Variants in RCN2 observed in about 807,000 individuals in gnomAD.
RCN2 encodes the protein reticulocalbin-2.
In RCN2, 23 loss-of-function variants were observed where a neutral mutation model predicts 37.5. That is an observed-to-expected ratio of 0.61 (90% CI 0.44 to 0.87). The LOEUF is 0.87. Among genes scored for constraint, RCN2 ranks in the 40% least tolerant of loss-of-function variants. The probability of loss-of-function intolerance (pLI) is 0.00; values close to 1 mark genes in which losing one functional copy is unlikely to be tolerated. For missense variants in RCN2, 381 were observed against 390.4 expected (o/e 0.98, Z 0.20); for synonymous variants, 140 against 144.6 (o/e 0.97, Z 0.23).
In RCN2 at chr15:76,935,621, A is replaced by G. The variant is rs1310120489; in HGVS notation, c.346A>G (p.Thr116Ala). 6.2e-7 allele frequency: 1 copy of G among 1,613,438 alleles called. No homozygotes were observed. The highest frequency in any genetic ancestry group is 1.1e-5 in the South Asian group (1 of 91,066). ...TGAATATGATAAAAACAGTGATGAT[A>G]CTGTGACTTGGGATGAATATAACAT... ...FVEYDKNSDDTVTWDEYNIQM... is the reference protein window; with the variant it reads ...FVEYDKNSDDAVTWDEYNIQM... The change falls in exon 3 of 7, where the codon ACT becomes GCT. Residue 116 changes from threonine (T) to alanine (A), a missense_variant. Thr to Ala is a moderately conservative substitution (Grantham distance 58, BLOSUM62 0). Transcript: ENST00000394885.
chr15:76,932,878 T>A (rs571440034), intron 2 of RCN2, among the ~76,000 whole-genome samples: 2 of 152,336 alleles, frequency 1.3e-5, no homozygotes, highest in East Asian at 3.9e-4. Context: ...GAAAAAGACC[T>A]GTTGCCTGTG....
In RCN2 at chr15:76,941,328, A is replaced by T. The variant is rs148748603; in HGVS notation, c.448-2430A>T. The T allele has an allele frequency of 2.4e-3, 445 of 187,252 alleles. 3 individuals carry two copies. The highest frequency in any genetic ancestry group is 9.7e-3 in the African/African-American group (418 of 42,952). 11.6% of individuals were successfully genotyped at this position (187,252 alleles called of 1,614,324 possible). On this transcript the variant is annotated intron_variant, in intron 3 of 6. Coordinates refer to ENST00000394885, the MANE Select transcript of RCN2 (RefSeq NM_002902.3). ...AGGCGTGACTGCTGAATGTGCATGT[A>T]TAAGCAGTATTTATTTATGTAAGAT...
At chr15:76,943,953 G>T in intron 4 of RCN2, 82 bp downstream of exon 4, 8 of 495,014 alleles carry the variant, frequency 1.6e-5, no homozygotes, top group Admixed American at 6.2e-5. Context: ...TGGGTACATA[G>T]TAGGTATATA....
chr15:76,939,042 A>G (rs1475931009), intron 3 of RCN2, among the ~76,000 whole-genome samples: 1 of 152,040 alleles, frequency 6.6e-6, no homozygotes, highest in Non-Finnish European at 1.5e-5. Flanking sequence ...TAACTAATCT[A>G]AAGCTGTCTA....
rs67783519 is a variant in RCN2 at position 76,950,386 on chromosome 15, C to CTTTTT, written c.*1180_*1184dup. On this transcript the variant is annotated 3_prime_UTR_variant, in exon 7 of 7. Coordinates refer to ENST00000394885, the MANE Select transcript of RCN2 (RefSeq NM_002902.3). ...TGATGTACAGAGATTGTTTTTCATTCTTTTTTTTTTTTTTTTTTTTGTGAC... is the reference window on the plus strand; with the variant it reads ...TGATGTACAGAGATTGTTTTTCATTCTTTTTTTTTTTTTTTTTTTTTTTTTGTGAC... The CTTTTT allele has an allele frequency of 4.4e-4, 46 of 105,456 alleles. No individual in the cohort carries two copies. Among genetic ancestry groups the CTTTTT allele is most frequent in the Non-Finnish European group, 6.2e-4 (33 of 53,648 alleles). The allele number at this position is 105,456 out of a possible 1,614,324, so 6.5% of individuals were successfully genotyped here. A position where few individuals can be genotyped will look rare whatever the true frequency, so the allele number is the denominator to read the frequency against.
chr15:76,939,777 T>C (rs2075269706), intron 3 of RCN2, among the ~76,000 whole-genome samples: 2 of 152,208 alleles, frequency 1.3e-5, no homozygotes, highest in African/African-American at 2.4e-5. Context: ...ATTCTAATTA[T>C]GTTTTCTATT....
rs1205068170 is a variant in RCN2, at chr15:76,943,768, A to G, written c.458A>G (p.Lys153Arg). Residue 153 changes from lysine to arginine, a missense_variant, in exon 4 of 7, where the codon AAG becomes AGG. Physicochemically the swap from Lys to Arg is conservative, Grantham distance 26. Transcript: ENST00000394885. ...TTTTAATTTTCAAAGCTTCACTTAA[A>G]GGACAAGAAGCGATTTGAAAAAGCT... ...EEESFRKLHL[K>R]DKKRFEKANQ... 2.5e-6 allele frequency: 4 copies of G among 1,590,698 alleles called. No individual in the cohort carries two copies. The highest frequency in any genetic ancestry group is 3.4e-6 in the Non-Finnish European group (4 of 1,162,874).
In RCN2 at chr15:76,941,930, C is replaced by A. The variant is rs952278457; in HGVS notation, c.448-1828C>A. ...TTGGTATTTTGAATAATGGTTTATT[C>A]AAAAAGAACTTGATTGACTCAGCAA... is the stretch of plus-strand genomic sequence containing the variant. On this transcript the variant is annotated intron_variant, in intron 3 of 6. Coordinates refer to ENST00000394885, the MANE Select transcript of RCN2 (RefSeq NM_002902.3). 4.5e-5 allele frequency: 15 copies of A among 330,140 alleles called. No homozygotes were observed. The Admixed American group carries it at 5.2e-4, about 11-fold the overall frequency. 20.5% of individuals were successfully genotyped at this position (330,140 alleles called of 1,614,324 possible).
chr15:76,932,214 G>C, intron 1 of RCN2, 147 bp from the exon 2 acceptor site: 1 of 737,000 alleles, frequency 1.4e-6, no homozygotes, highest in South Asian at 1.7e-5. Flanking sequence ...CATGGAGGGT[G>C]TGTAGGGGGT....
rs1324980147 is a variant in RCN2 at position 76,949,354 on chromosome 15, A to G, written c.*132A>G. 6.1e-6 allele frequency: 4 copies of G among 652,412 alleles called. No individual in the cohort carries two copies. Among genetic ancestry groups the G allele is most frequent in the Non-Finnish European group, 9.1e-6 (4 of 439,462 alleles). The allele number at this position is 652,412 out of a possible 1,614,324, so 40.4% of individuals were successfully genotyped here. Reference sequence around the variant, plus strand: ...CACAGTCAGAATTATCTTAATGTAGATTATAATTTTGGTCTTTTAGGAAAA... The same window carrying G: ...CACAGTCAGAATTATCTTAATGTAGGTTATAATTTTGGTCTTTTAGGAAAA... On this transcript the variant is annotated 3_prime_UTR_variant, in exon 7 of 7. Coordinates refer to ENST00000394885, the MANE Select transcript of RCN2 (RefSeq NM_002902.3).
chr15:76,948,604 T>A, intron 6 of RCN2, 52 bp downstream of exon 6: 1 of 1,458,580 alleles, frequency 6.9e-7, no homozygotes, highest in African/African-American at 1.4e-5. Context: ...CCGAATTTGG[T>A]GCTGTTGATA....
rs2075308983 is a variant in RCN2, at chr15:76,949,204, C to G, written c.936C>G (p.Phe312Leu). The change falls in exon 7 of 7, where the codon TTC (phenylalanine) becomes TTG (leucine). Residue 312 changes from phenylalanine (F) to leucine (L), a missense_variant. By Grantham distance (22) the Phe-to-Leu change is conservative (BLOSUM62 0). Transcript: ENST00000394885. The stretch of plus-strand genomic sequence containing the variant: ...GCAGACAGCTCCATGATGACTATTT[C>G]TATCATGATGAGCTTTAATCTCTGA... ...DYGRQLHDDY[F>L]YHDEL 4 of 1,609,836 alleles carry G rather than the reference C, an allele frequency of 2.5e-6. No individual in the cohort carries two copies. The East Asian group carries it at 8.9e-5, about 36-fold the overall frequency.
chr15:76,945,850 C>T (rs2075294637), intron 4 of RCN2, among the ~76,000 whole-genome samples: 1 of 152,202 alleles, frequency 6.6e-6, no homozygotes. Context: ...TCTAATTTCT[C>T]ATTGGCACAG....
At chr15:76,938,688 T>G (rs977758453) in intron 3 of RCN2, 20 of 453,132 alleles carry the variant, frequency 4.4e-5, no homozygotes, top group Non-Finnish European at 8.5e-5. Flanking sequence ...AAGCCACCAC[T>G]AACTCTAAGT....
chr15:76,944,522 C>G (rs1435599429), intron 4 of RCN2, among the ~76,000 whole-genome samples: 1 of 152,082 alleles, frequency 6.6e-6, no homozygotes, highest in Non-Finnish European at 1.5e-5. Flanking sequence ...GCCCCCTCCC[C>G]CAACACTTCC....
rs759155872 is a variant in RCN2, at chr15:76,951,286, T to A, written c.*2064T>A. ...CTGACCAGTTAAACATGGGTGGAAG[T>A]AGTGTGTGTCACTATCAGACTATCT... On this transcript the variant is annotated 3_prime_UTR_variant, in exon 7 of 7. Coordinates refer to ENST00000394885, the MANE Select transcript of RCN2 (RefSeq NM_002902.3). 5.3e-4 allele frequency: 80 copies of A among 152,364 alleles called. No homozygotes were observed. Among genetic ancestry groups the A allele is most frequent in the African/African-American group, 1.9e-3 (79 of 41,580 alleles). 9.4% of individuals were successfully genotyped at this position (152,364 alleles called of 1,614,324 possible).
At chr15:76,938,756 C>T (rs1256118690) in intron 3 of RCN2, 1 of 455,994 alleles carries the variant, frequency 2.2e-6, no homozygotes, top group Non-Finnish European at 4.4e-6. Context: ...GCTCCATCCT[C>T]AGAGCCAGTC....
chr15:76,947,862 A>C (rs2075302979), intron 5 of RCN2: 2 of 223,884 alleles, frequency 8.9e-6, no homozygotes, highest in South Asian at 7.5e-5. Flanking sequence ...TAGAAACATA[A>C]AACACTACAA....
At position 76,949,104 on chromosome 15, in the gene RCN2, G is replaced by A. The variant is rs749632542; in HGVS notation, c.836G>A (p.Gly279Asp). 4.3e-6 allele frequency: 7 copies of A among 1,609,218 alleles called. No individual in the cohort carries two copies. The highest frequency in any genetic ancestry group is 4.2e-6 in the Non-Finnish European group (5 of 1,178,672). The change falls in exon 7 of 7, where the codon GGT becomes GAT. Residue 279 changes from glycine (G) to aspartate (D), a missense_variant. Gly to Asp is a moderately conservative substitution (Grantham distance 94, BLOSUM62 -1). Transcript: ENST00000394885. ...LHLIDEMDLNGDKKLSEEEIL... is the reference protein window; with the variant it reads ...LHLIDEMDLNDDKKLSEEEIL... The stretch of plus-strand genomic sequence containing the variant: ...CTAATTGATGAAATGGATTTGAATG[G>A]TGACAAAAAGCTCTCTGAAGAAGAG...
Sources: allele counts gnomAD v4.1 joint callset (sites outside exome capture counted in the v4.1 genomes callset), GRCh38; gene constraint gnomAD v4.1.1; transcripts MANE v1.5; gene names NCBI Gene and HGNC (gene_info 2026-07-23, HGNC 2026-07-21).